The following OPCML variants were observed in gnomAD, a reference collection of about 807,000 sequenced individuals.
The protein encoded by OPCML is opioid binding protein/cell adhesion molecule like.
OPCML carries 13 observed loss-of-function variants against 37.8 expected under a neutral mutation model. The ratio of observed to expected loss-of-function variants is 0.34; its 90% confidence interval spans 0.22 to 0.55. OPCML has a LOEUF of 0.55. OPCML is among the 20% of genes least tolerant of loss of function. The probability of loss-of-function intolerance (pLI) is 0.91; values close to 1 mark genes in which losing one functional copy is unlikely to be tolerated. For missense variants in OPCML, 341 were observed against 435.6 expected (o/e 0.78, Z 1.93); for synonymous variants, 176 against 168.8 (o/e 1.04, Z -0.33).
At chr11:132,464,834 G>GAAA (rs1781677128) in intron 4 of OPCML, among the ~76,000 whole-genome samples, 1 of 152,064 alleles carries the variant, frequency 6.6e-6, no homozygotes, top group African/African-American at 2.4e-5. Context: ...TAAGAAGTGT[G>GAAA]TTATATGTAC....
chr11:133,530,131 A>G (rs531521869), intron 1 of OPCML, among the ~76,000 whole-genome samples: 3 of 152,234 alleles, frequency 2.0e-5, no homozygotes, highest in African/African-American at 7.2e-5. Context: ...TCGTTCATCC[A>G]CCATGCTCAG....
chr11:132,607,568 A>C (rs935038677), intron 3 of OPCML, among the ~76,000 whole-genome samples: 3 of 152,188 alleles, frequency 2.0e-5, no homozygotes, highest in Admixed American at 2.0e-4. Context: ...TCACACAAAG[A>C]ATAGAGACCT....
intron 1 of OPCML, among the ~76,000 whole-genome samples, chr11:133,460,628 A>G (rs1591526693): frequency 6.6e-6 from 1 of 151,936 alleles, no homozygotes; most frequent in African/African-American, 2.4e-5. Flanking sequence ...ACACCTTACC[A>G]GGACTGAATC....
chr11:133,069,462 C>T (rs1948490736), intron 1 of OPCML, among the ~76,000 whole-genome samples: 1 of 152,196 alleles, frequency 6.6e-6, no homozygotes, highest in South Asian at 2.1e-4. Flanking sequence ...TGCAGTTACA[C>T]ACAAGACCAT....
chr11:132,553,683 T>C (rs1170731987), intron 3 of OPCML, among the ~76,000 whole-genome samples: 1 of 152,238 alleles, frequency 6.6e-6, no homozygotes, highest in African/African-American at 2.4e-5. Flanking sequence ...TAGAGGAAGT[T>C]TGAATGTTTA....
chr11:132,627,404 A>G (rs994978836), intron 3 of OPCML, among the ~76,000 whole-genome samples: 2 of 152,252 alleles, frequency 1.3e-5, no homozygotes, highest in Non-Finnish European at 2.9e-5. Flanking sequence ...CTTTAGATAT[A>G]TTGAGCATTT....
At chr11:133,379,519 G>A (rs188136056) in intron 1 of OPCML, among the ~76,000 whole-genome samples, 4 of 152,302 alleles carry the variant, frequency 2.6e-5, no homozygotes, top group Admixed American at 6.5e-5. Flanking sequence ...GCTTTTAAAC[G>A]TGTGTTTCTT....
chr11:133,059,403 C>T (rs1257949004), intron 1 of OPCML, among the ~76,000 whole-genome samples: 1 of 152,148 alleles, frequency 6.6e-6, no homozygotes, highest in Non-Finnish European at 1.5e-5. Context: ...GCCTTCTTCA[C>T]TGTGTTGATA....
intron 2 of OPCML, among the ~76,000 whole-genome samples, chr11:132,873,365 C>T (rs1942881047): frequency 6.6e-6 from 1 of 152,106 alleles, no homozygotes; most frequent in Admixed American, 6.5e-5. Flanking sequence ...TCAGGTAAAC[C>T]ATTTCAGTTA....
intron 1 of OPCML, among the ~76,000 whole-genome samples, chr11:133,441,503 A>G (rs934226914): frequency 6.6e-6 from 1 of 152,188 alleles, no homozygotes; most frequent in Non-Finnish European, 1.5e-5. Flanking sequence ...TAAACTACAT[A>G]GATCTTCTAT....
intron 1 of OPCML, among the ~76,000 whole-genome samples, chr11:133,026,951 A>G (rs572329713): frequency 1.3e-5 from 2 of 152,354 alleles, no homozygotes; most frequent in African/African-American, 4.8e-5. Flanking sequence ...TTATTTTAAC[A>G]GACTGATCAT....
chr11:132,561,359 C>A (rs1362718959), intron 3 of OPCML, among the ~76,000 whole-genome samples: 1 of 152,210 alleles, frequency 6.6e-6, no homozygotes, highest in Non-Finnish European at 1.5e-5. Context: ...CCTGGGTCCT[C>A]ATCTCCTCCA....
At chr11:133,338,963 G>A (rs1386111846) in intron 1 of OPCML, among the ~76,000 whole-genome samples, 1 of 152,122 alleles carries the variant, frequency 6.6e-6, no homozygotes, top group Non-Finnish European at 1.5e-5. Context: ...TGTTCCTGTT[G>A]TCCCTGCCCA....
intron 1 of OPCML, among the ~76,000 whole-genome samples, chr11:133,238,442 A>G (rs1401202299): frequency 6.6e-6 from 1 of 152,242 alleles, no homozygotes; most frequent in Non-Finnish European, 1.5e-5. Context: ...TCTCAGCTCT[A>G]TTGGCTTAAA....
chr11:133,485,566 T>A (rs1591552784), intron 1 of OPCML, among the ~76,000 whole-genome samples: 1 of 152,176 alleles, frequency 6.6e-6, no homozygotes, highest in Non-Finnish European at 1.5e-5. Context: ...TCCTCTCATA[T>A]AAATACCCAT....
At chr11:132,556,707 A>T (rs1317250871) in intron 3 of OPCML, among the ~76,000 whole-genome samples, 1 of 152,152 alleles carries the variant, frequency 6.6e-6, no homozygotes, top group Non-Finnish European at 1.5e-5. Context: ...CTCCTTCCAG[A>T]ACACTCACCC....
At chr11:132,457,462 A>G (rs1460299627) in intron 4 of OPCML, among the ~76,000 whole-genome samples, 3 of 152,232 alleles carry the variant, frequency 2.0e-5, no homozygotes, top group African/African-American at 7.2e-5. Context: ...TTGAGTGTCA[A>G]CTTGTTTGAG....
At chr11:132,536,221 A>G (rs369446419) in intron 3 of OPCML, among the ~76,000 whole-genome samples, 2 of 152,278 alleles carry the variant, frequency 1.3e-5, no homozygotes, top group East Asian at 1.9e-4. Flanking sequence ...CTTTCCCTCC[A>G]TCACAACTCT....
chr11:132,639,803 G>A (rs1940740380), intron 3 of OPCML, among the ~76,000 whole-genome samples: 2 of 152,190 alleles, frequency 1.3e-5, no homozygotes, highest in Admixed American at 1.3e-4. Context: ...GAAAGAAGAT[G>A]TAAGCATAAC....
Sources: allele counts gnomAD v4.1 joint callset (sites outside exome capture counted in the v4.1 genomes callset), GRCh38; gene constraint gnomAD v4.1.1; transcripts MANE v1.5; gene names NCBI Gene and HGNC (gene_info 2026-07-23, HGNC 2026-07-21).